The following RAB6A variants were observed in gnomAD, a reference collection of about 807,000 sequenced individuals.
RAB6A encodes ras-related protein Rab-6A.
Under a neutral mutation model 32.3 loss-of-function variants are expected in RAB6A, and 8 were observed. The ratio of observed to expected loss-of-function variants is 0.25; its 90% confidence interval spans 0.15 to 0.45. The LOEUF (loss-of-function observed/expected upper bound fraction) is 0.45. RAB6A is among the 20% of genes least tolerant of loss of function. RAB6A has a pLI of 1.00. For missense variants in RAB6A, 104 were observed against 249.4 expected (o/e 0.42, Z 3.93); for synonymous variants, 73 against 82.1 (o/e 0.89, Z 0.60).
At chr11:73,705,087 C>T (rs926273970) in intron 6 of RAB6A, among the ~76,000 whole-genome samples, 1 of 152,164 alleles carries the variant, frequency 6.6e-6, no homozygotes, top group African/African-American at 2.4e-5. Context: ...ATCAGTGGTG[C>T]TTACTGTATG....
intron 1 of RAB6A, among the ~76,000 whole-genome samples, chr11:73,759,320 T>C (rs1044507106): frequency 6.6e-6 from 1 of 152,052 alleles, no homozygotes; most frequent in African/African-American, 2.4e-5. Flanking sequence ...CAAGTTTGTA[T>C]AATACAGCAT....
chr11:73,679,754 G>C, intron 6 of RAB6A, 34 bp from the exon 7 acceptor site: 1 of 1,611,946 alleles, frequency 6.2e-7, no homozygotes. Flanking sequence ...TAACTGAGAG[G>C]GAACATTTAG....
At chr11:73,688,648 G>A (rs752357261) in intron 6 of RAB6A, among the ~76,000 whole-genome samples, 34 of 152,208 alleles carry the variant, frequency 2.2e-4, no homozygotes, top group Non-Finnish European at 4.1e-4. Context: ...ACAGATAAAG[G>A]AAATCAAAAT....
chr11:73,745,948 T>C (rs1032827206), intron 1 of RAB6A, among the ~76,000 whole-genome samples: 17 of 151,464 alleles, frequency 1.1e-4, no homozygotes, highest in African/African-American at 3.9e-4. Flanking sequence ...TGCAGTGAGC[T>C]GAGACTGCGC....
chr11:73,714,329 C>T (rs1368731513), intron 5 of RAB6A, among the ~76,000 whole-genome samples: 4 of 151,098 alleles, frequency 2.6e-5, no homozygotes, highest in African/African-American at 9.7e-5. Context: ...ATAACTCTGG[C>T]TATAAAGGGA....
intron 6 of RAB6A, among the ~76,000 whole-genome samples, chr11:73,698,179 C>T (rs917577227): frequency 1.1e-4 from 17 of 152,062 alleles, no homozygotes; most frequent in African/African-American, 3.9e-4. Context: ...CGAGATTGTG[C>T]CACTGCACTC....
chr11:73,689,050 A>C (rs1323415286), intron 6 of RAB6A, among the ~76,000 whole-genome samples: 1 of 152,050 alleles, frequency 6.6e-6, no homozygotes, highest in Non-Finnish European at 1.5e-5. Flanking sequence ...TTGAGCCCAG[A>C]AGTTGAGGCT....
intron 1 of RAB6A, among the ~76,000 whole-genome samples, chr11:73,733,005 G>A (rs1205697438): frequency 6.6e-6 from 1 of 151,972 alleles, no homozygotes; most frequent in Non-Finnish European, 1.5e-5. Flanking sequence ...TAGAGACAGG[G>A]TTTCACTATG....
chr11:73,758,582 ACT>A (rs1237771929), intron 1 of RAB6A, among the ~76,000 whole-genome samples: 1 of 152,014 alleles, frequency 6.6e-6, no homozygotes, highest in East Asian at 1.9e-4. Flanking sequence ...AAGCCATAAA[ACT>A]CTCCATTATG....
At chr11:73,726,829 T>C (rs1946231748) in intron 2 of RAB6A, among the ~76,000 whole-genome samples, 1 of 150,346 alleles carries the variant, frequency 6.7e-6, no homozygotes, top group Non-Finnish European at 1.5e-5. Flanking sequence ...AATTAATGGG[T>C]TGAAGGTTTT....
At position 73,676,612 on chromosome 11, in the gene RAB6A, C is replaced by T. The variant is rs375302903; in HGVS notation, c.*1286G>A. 2.3e-4 allele frequency: 38 copies of T among 166,986 alleles called. 1 individual carries two copies. Among genetic ancestry groups the T allele is most frequent in the African/African-American group, 8.4e-4 (35 of 41,492 alleles). 10.3% of individuals were successfully genotyped at this position (166,986 alleles called of 1,614,324 possible). A position where few individuals can be genotyped will look rare whatever the true frequency, so the allele number is the denominator to read the frequency against. ...ACAAACCAAAACCAGCCTGAAAGAC[C>T]CAACCTTAAAAAATGCTAAAAAATA... On this transcript the variant is annotated 3_prime_UTR_variant, in exon 8 of 8. Coordinates refer to ENST00000336083, the MANE Select transcript of RAB6A (RefSeq NM_198896.2).
intron 1 of RAB6A, among the ~76,000 whole-genome samples, chr11:73,754,833 T>C (rs1946721490): frequency 6.6e-6 from 1 of 151,160 alleles, no homozygotes; most frequent in Non-Finnish European, 1.5e-5. Flanking sequence ...GGCATGAGAA[T>C]CGCGAACCCG....
At chr11:73,725,631 A>G (rs1383626140) in intron 2 of RAB6A, among the ~76,000 whole-genome samples, 1 of 152,202 alleles carries the variant, frequency 6.6e-6, no homozygotes, top group African/African-American at 2.4e-5. Context: ...AGACTTATTC[A>G]TTACCACGAG....
intron 1 of RAB6A, among the ~76,000 whole-genome samples, chr11:73,759,477 G>C (rs1319020895): frequency 6.6e-6 from 1 of 152,044 alleles, no homozygotes; most frequent in African/African-American, 2.4e-5. Context: ...AGAATATTAA[G>C]CATAAAAGAA....
chr11:73,740,066 A>AG (rs1946470413), intron 1 of RAB6A, among the ~76,000 whole-genome samples: 1 of 151,614 alleles, frequency 6.6e-6, no homozygotes, highest in African/African-American at 2.4e-5. Context: ...CTCAAAAAAA[A>AG]GAAAAAAAAA....
chr11:73,738,641 C>G (rs1946440000), intron 1 of RAB6A, among the ~76,000 whole-genome samples: 1 of 151,170 alleles, frequency 6.6e-6, no homozygotes, highest in Non-Finnish European at 1.5e-5. Flanking sequence ...AGGGTAAGAT[C>G]CTGTCTCAAA....
chr11:73,712,292 C>G (rs954601414), intron 5 of RAB6A, among the ~76,000 whole-genome samples: 2 of 152,088 alleles, frequency 1.3e-5, no homozygotes, highest in African/African-American at 2.4e-5. Context: ...TCATTTTCCC[C>G]AGTGATTTGA....
At chr11:73,683,324 T>A (rs1023450976) in intron 6 of RAB6A, among the ~76,000 whole-genome samples, 1 of 140,962 alleles carries the variant, frequency 7.1e-6, no homozygotes, top group African/African-American at 2.7e-5. Flanking sequence ...GGCACAATCA[T>A]GGCTCCCTGA....
rs117582271 is a variant in RAB6A, at chr11:73,712,642, C to T, written c.401+3609G>A. On this transcript the variant is annotated intron_variant, in intron 5 of 7. Transcript: ENST00000336083. ...CTGGGACTACAGGCATGAGCCACCACGCTCGCCTGTTGCTAGCTTTTCTAC... is the reference window on the plus strand; with the variant it reads ...CTGGGACTACAGGCATGAGCCACCATGCTCGCCTGTTGCTAGCTTTTCTAC... Among the ~76,000 whole-genome samples, 866 of 151,976 alleles carry T rather than the reference C, an allele frequency of 5.7e-3. 30 individuals carry two copies. In the East Asian group the frequency reaches 0.07, roughly 12 times the overall value.
Sources: gnomAD v4.1 joint callset for allele counts (sites outside exome capture counted in the v4.1 genomes callset) on GRCh38, gnomAD v4.1.1 for gene constraint, MANE v1.5 for transcripts, NCBI Gene and HGNC (gene_info 2026-07-23, HGNC 2026-07-21) for gene names.